Variants in LOXHD1 observed in about 807,000 individuals in gnomAD.
LOXHD1 encodes the protein lipoxygenase homology PLAT domains 1, also known as lipoxygenase homology domain-containing protein 1.
LOXHD1 carries 205 observed loss-of-function variants against 248.2 expected under a neutral mutation model. The observed-to-expected ratio is 0.83, with a 90% confidence interval of 0.74 to 0.93. The LOEUF (loss-of-function observed/expected upper bound fraction) is 0.93, where lower values mean the gene tolerates loss of function less well. LOXHD1 is among the 40% of genes least tolerant of loss of function. The pLI is 0.00. For synonymous variants in LOXHD1, 1,113 were observed against 1,162.8 expected (o/e 0.96, Z 0.87); for missense variants, 2,930 against 2,971.6 (o/e 0.99, Z 0.33).
intron 31 of LOXHD1, 39 bp downstream of exon 31, chr18:46,524,427 T>C: frequency 6.5e-7 from 1 of 1,538,702 alleles, no homozygotes; most frequent in Middle Eastern, 1.7e-4. Flanking sequence ...CATTTCCATG[T>C]GCCTGGCCCC....
At chr18:46,533,354 C>A in intron 27 of LOXHD1, 30 bp from the exon 28 acceptor site, 1 of 1,549,660 alleles carries the variant, frequency 6.5e-7, no homozygotes, top group Middle Eastern at 1.7e-4. Context: ...GGAAAATTAG[C>A]CCTTAATGTG....
At position 46,528,545 on chromosome 18, in the gene LOXHD1, C is replaced by T. The variant is rs188808661; in HGVS notation, c.4530+632G>A. Among the ~76,000 whole-genome samples, 18 of 152,246 alleles carry T rather than the reference C, an allele frequency of 1.2e-4. 1 individual carries two copies. The East Asian group carries it at 2.3e-3, about 20-fold the overall frequency. ...GCCACAGAACCCTTTGCTTAACAGA[C>T]GGCTTGCCTGGCACTGTGATCAACA... On this transcript the variant is annotated intron_variant, in intron 29 of 40. Transcript: ENST00000642948.
At chr18:46,652,146 T>C (rs1413437153) in intron 1 of LOXHD1, among the ~76,000 whole-genome samples, 1 of 152,216 alleles carries the variant, frequency 6.6e-6, no homozygotes, top group African/African-American at 2.4e-5. Context: ...TACTTTATCA[T>C]GTCATTTATA....
chr18:46,559,417 C>T, intron 20 of LOXHD1, 31 bp downstream of exon 20: 13 of 1,551,884 alleles, frequency 8.4e-6, no homozygotes, highest in Non-Finnish European at 1.1e-5. Context: ...ACCCACAGCC[C>T]CCACCCAGGG....
At chr18:46,538,124 C>G in intron 26 of LOXHD1, 32 bp downstream of exon 26, 1 of 1,513,804 alleles carries the variant, frequency 6.6e-7, no homozygotes, top group Non-Finnish European at 8.9e-7. Context: ...CTGACCTACT[C>G]CATCCCTGGA....
intron 6 of LOXHD1, 109 bp from the exon 7 acceptor site, chr18:46,604,338 T>C: frequency 7.1e-7 from 1 of 1,415,930 alleles, no homozygotes; most frequent in Non-Finnish European, 9.5e-7. Context: ...AATGTACTGA[T>C]ATCTGTTTCG....
At chr18:46,502,733 C>T (rs558748589) in intron 37 of LOXHD1, among the ~76,000 whole-genome samples, 2 of 152,292 alleles carry the variant, frequency 1.3e-5, no homozygotes, top group African/African-American at 2.4e-5. Context: ...ATTCTCCACT[C>T]TCACCCCTCA....
At chr18:46,586,897 T>C (rs2038071756) in intron 12 of LOXHD1, among the ~76,000 whole-genome samples, 1 of 152,238 alleles carries the variant, frequency 6.6e-6, no homozygotes, top group Admixed American at 6.5e-5. Context: ...TTTGGAGATA[T>C]GCAGACAGCT....
In LOXHD1 at chr18:46,593,929, TC is replaced by T. The variant is rs376569640; in HGVS notation, c.1271-170del. The stretch of plus-strand genomic sequence containing the variant: ...TAGCCAAATTTAGAAAGCTAAGGAT[TC>T]CTTACTATTAAAAATAAGGTGCTAT... On this transcript the variant is annotated intron_variant, in intron 9 of 40. Coordinates refer to ENST00000642948, the MANE Select transcript of LOXHD1 (RefSeq NM_001384474.1). 1.4e-4 allele frequency among the ~76,000 whole-genome samples: 21 copies of T among 152,348 alleles called. No homozygotes were observed. The East Asian group carries it at 4.1e-3, about 29-fold the overall frequency.
rs146516425 is a variant in LOXHD1, at chr18:46,605,931, GA to G, written c.760-1703del. 9.6e-3 allele frequency among the ~76,000 whole-genome samples: 1,469 copies of G among 152,284 alleles called. 19 individuals are homozygous for G. The highest frequency in any genetic ancestry group is 0.034 in the African/African-American group (1,415 of 41,554). ...CCAACTTAAGACCTTGCAAATTCTT[GA>G]ATCAAAGACAGAGAAGATCATTCTA... On this transcript the variant is annotated intron_variant, in intron 6 of 40. Coordinates refer to ENST00000642948, the MANE Select transcript of LOXHD1 (RefSeq NM_001384474.1).
At chr18:46,498,921 T>C (rs2034045532) in intron 37 of LOXHD1, among the ~76,000 whole-genome samples, 1 of 152,188 alleles carries the variant, frequency 6.6e-6, no homozygotes, top group Non-Finnish European at 1.5e-5. Flanking sequence ...TTGTTGCATC[T>C]AGAAACCCCT....
intron 18 of LOXHD1, 67 bp from the exon 19 acceptor site, chr18:46,560,612 G>T (rs962245917): frequency 1.5e-6 from 2 of 1,377,294 alleles, no homozygotes; most frequent in Admixed American, 2.4e-5. Context: ...CAACACCCCC[G>T]CCCAACAAAG....
chr18:46,654,812 C>T (rs1295982687), intron 1 of LOXHD1, among the ~76,000 whole-genome samples: 1 of 152,200 alleles, frequency 6.6e-6, no homozygotes, highest in Non-Finnish European at 1.5e-5. Flanking sequence ...CAGTACCCTG[C>T]AACAGACAGG....
chr18:46,628,552 G>C (rs933349737), intron 4 of LOXHD1, among the ~76,000 whole-genome samples: 1 of 152,214 alleles, frequency 6.6e-6, no homozygotes, highest in Non-Finnish European at 1.5e-5. Context: ...CAGCAGTCAA[G>C]GTGATGAGCC....
intron 4 of LOXHD1, among the ~76,000 whole-genome samples, chr18:46,637,774 G>C (rs2038911533): frequency 6.6e-6 from 1 of 152,124 alleles, no homozygotes; most frequent in African/African-American, 2.4e-5. Context: ...GCAAGGGTGA[G>C]GGACATGGGC....
intron 38 of LOXHD1, among the ~76,000 whole-genome samples, chr18:46,488,459 C>T (rs111930697): frequency 0.01 from 1,536 of 152,310 alleles, 9 homozygotes; most frequent in South Asian, 0.019. Flanking sequence ...ATCTGTTGGG[C>T]CCAGACCCTG....
At chr18:46,604,075 C>T (rs2144293768) in intron 7 of LOXHD1, 31 bp downstream of exon 7, 1 of 1,551,356 alleles carries the variant, frequency 6.4e-7, no homozygotes, top group South Asian at 1.2e-5. Context: ...AGTGAAATAC[C>T]CAAAAGAGCC....
chr18:46,623,862 G>T (rs1029885322), intron 4 of LOXHD1, among the ~76,000 whole-genome samples: 6 of 152,250 alleles, frequency 3.9e-5, no homozygotes, highest in Non-Finnish European at 8.8e-5. Context: ...AGCCATGAGG[G>T]GGCCGGGCCC....
chr18:46,553,285 C>T (rs191474042), intron 21 of LOXHD1, among the ~76,000 whole-genome samples: 1 of 152,220 alleles, frequency 6.6e-6, no homozygotes, highest in Non-Finnish European at 1.5e-5. Context: ...AACACATTTT[C>T]TCATCTAGTC....
Sources: gnomAD v4.1 joint callset for allele counts (sites outside exome capture counted in the v4.1 genomes callset) on GRCh38, gnomAD v4.1.1 for gene constraint, MANE v1.5 for transcripts, NCBI Gene and HGNC (gene_info 2026-07-23, HGNC 2026-07-21) for gene names.